SEC63: variants seen among roughly 807,000 people sequenced by gnomAD.
The protein encoded by SEC63 is translocation protein SEC63 homolog.
In SEC63, 56 loss-of-function variants were observed where a neutral mutation model predicts 116.2. The ratio of observed to expected loss-of-function variants is 0.48; its 90% CI spans 0.39 to 0.60. The LOEUF (loss-of-function observed/expected upper bound fraction) is 0.60. SEC63 is among the 20% of genes least tolerant of loss of function. The pLI is 0.00. For missense variants in SEC63, 668 were observed against 900.0 expected (o/e 0.74, Z 3.30); for synonymous variants, 273 against 294.6 (o/e 0.93, Z 0.75).
intron 2 of SEC63, among the ~76,000 whole-genome samples, chr6:107,926,355 A>G (rs1216077437): frequency 6.6e-6 from 1 of 152,198 alleles, no homozygotes; most frequent in African/African-American, 2.4e-5. Context: ...TGTTACACTG[A>G]GCAAGAACTG....
chr6:107,947,012 C>T (rs1368584514), intron 1 of SEC63, among the ~76,000 whole-genome samples: 1 of 151,692 alleles, frequency 6.6e-6, no homozygotes, highest in African/African-American at 2.4e-5. Flanking sequence ...TCAAACCAAA[C>T]ATCAACCATA....
intron 3 of SEC63, among the ~76,000 whole-genome samples, chr6:107,924,146 C>A (rs2818193): frequency 0.044 from 6,638 of 150,432 alleles, 501 homozygotes; most frequent in African/African-American, 0.15. Flanking sequence ...TGCCTGTAGT[C>A]CCAGCTACTT....
chr6:107,957,978 C>T lies in SEC63; in HGVS notation c.32G>A (p.Ser11Asn). ...GAGGAAGTAGAAGAAGGTGTTCCCA[C>T]TGTCATCGTACTGGAACTGCTGCCC... MAGQQFQYDD[S>N]GNTFFYFLTS... Residue 11 changes from serine (S) to asparagine (N), a missense_variant, in exon 1 of 21, where the codon AGT becomes AAT. Transcript: ENST00000369002. 4 of 1,613,520 alleles carry T rather than the reference C, an allele frequency of 2.5e-6. No homozygotes were observed. Among genetic ancestry groups the T allele is most frequent in the Middle Eastern group, 1.7e-4 (1 of 6,060 alleles).
intron 18 of SEC63, 132 bp from the exon 19 acceptor site, chr6:107,876,794 A>C (rs570558): frequency 1.5e-6 from 1 of 649,324 alleles, no homozygotes; most frequent in Non-Finnish European, 2.7e-6. Context: ...CAAAATAGGT[A>C]TTCAAATGAA....
chr6:107,914,744 T>C (rs1293419988), intron 4 of SEC63, among the ~76,000 whole-genome samples: 1 of 152,184 alleles, frequency 6.6e-6, no homozygotes, highest in Non-Finnish European at 1.5e-5. Flanking sequence ...GAGTTTTAGC[T>C]TGTTTCTTTC....
rs1027888971 is a variant in SEC63, at chr6:107,876,526, C to A, written c.2034+38G>T. On this transcript the variant is annotated intron_variant, in intron 19 of 20. Coordinates refer to ENST00000369002, the MANE Select transcript of SEC63 (RefSeq NM_007214.5). ...AAGCAGCATGATGGTGACAGCTGTG[C>A]CTTGTTAAACACTGAAATCATGTTG... is the stretch of plus-strand genomic sequence containing the variant. 3 of 1,197,048 alleles carry A rather than the reference C, an allele frequency of 2.5e-6. No individual in the cohort carries two copies. In the African/African-American group the frequency reaches 4.5e-5, roughly 18 times the overall value. 74.2% of individuals were successfully genotyped at this position (1,197,048 alleles called of 1,614,324 possible). A position where few individuals can be genotyped will look rare whatever the true frequency, so the allele number is the denominator to read the frequency against.
intron 4 of SEC63, among the ~76,000 whole-genome samples, chr6:107,917,915 T>C (rs1787449385): frequency 6.6e-6 from 1 of 152,216 alleles, no homozygotes; most frequent in African/African-American, 2.4e-5. Flanking sequence ...AAGATCACAA[T>C]GAAGGTGGCT....
chr6:107,898,350 G>A (rs1046791965), intron 13 of SEC63, among the ~76,000 whole-genome samples: 2 of 151,762 alleles, frequency 1.3e-5, no homozygotes, highest in Non-Finnish European at 2.9e-5. Flanking sequence ...TCAAACCCAG[G>A]TTTCTGAAAA....
intron 2 of SEC63, 21 bp downstream of exon 2, chr6:107,929,394 T>C: frequency 1.5e-6 from 2 of 1,320,022 alleles, no homozygotes; most frequent in African/African-American, 1.4e-5. Flanking sequence ...GTAGGTTTTT[T>C]TCTTGAAATC....
At chr6:107,953,451 C>A (rs1770621490) in intron 1 of SEC63, among the ~76,000 whole-genome samples, 1 of 148,168 alleles carries the variant, frequency 6.7e-6, no homozygotes, top group African/African-American at 2.5e-5. Flanking sequence ...AGGGGCACCT[C>A]TGCCCGGCCG....
At chr6:107,900,219 C>T (rs533825774) in intron 13 of SEC63, among the ~76,000 whole-genome samples, 2 of 152,002 alleles carry the variant, frequency 1.3e-5, no homozygotes, top group Admixed American at 6.5e-5. Context: ...AGGCTGGTCT[C>T]GAACTCCTGG....
chr6:107,884,245 T>G (rs911538679), intron 16 of SEC63, among the ~76,000 whole-genome samples: 2 of 81,778 alleles, frequency 2.4e-5, no homozygotes, highest in African/African-American at 7.3e-5. Flanking sequence ...AGCATGACTC[T>G]GTCTCAAAAA....
At position 107,958,051 on chromosome 6, in the gene SEC63, A is replaced by G; in HGVS notation, c.-42T>C. ...CCTCGCTCTTCTCACCGCCGCCGCCACGACCACGCTCTGCACTCCCGCTCC... is the reference window on the plus strand; with the variant it reads ...CCTCGCTCTTCTCACCGCCGCCGCCGCGACCACGCTCTGCACTCCCGCTCC... On this transcript the variant is annotated 5_prime_UTR_variant, in exon 1 of 21. Coordinates refer to ENST00000369002, the MANE Select transcript of SEC63 (RefSeq NM_007214.5). 1 of 1,600,700 alleles carries G rather than the reference A, an allele frequency of 6.2e-7. No homozygotes were observed. Among genetic ancestry groups the G allele is most frequent in the Non-Finnish European group, 8.5e-7 (1 of 1,171,394 alleles).
In SEC63 at chr6:107,868,575, C is replaced by T. The variant is rs555935885; in HGVS notation, c.*3129G>A. On this transcript the variant is annotated 3_prime_UTR_variant, in exon 21 of 21. Coordinates refer to ENST00000369002, the MANE Select transcript of SEC63 (RefSeq NM_007214.5). ...CCAGCCTGGAGGACAGAGCGAGACT[C>T]CGTCTTAAGAAGAAAAAGAGAAAGA... is the stretch of plus-strand genomic sequence containing the variant. 1 of 151,894 alleles carries T rather than the reference C, an allele frequency of 6.6e-6. No individual in the cohort carries two copies. Among genetic ancestry groups the T allele is most frequent in the African/African-American group, 2.4e-5 (1 of 41,378 alleles). The allele number at this position is 151,894 out of a possible 1,614,324, so 9.4% of individuals were successfully genotyped here. A position where few individuals can be genotyped will look rare whatever the true frequency, so the allele number is the denominator to read the frequency against.
intron 10 of SEC63, among the ~76,000 whole-genome samples, chr6:107,906,043 G>C (rs567177362): frequency 3.9e-5 from 6 of 152,174 alleles, no homozygotes; most frequent in Non-Finnish European, 8.8e-5. Context: ...CCCAATGCTG[G>C]AGGTGGGGCC....
At chr6:107,921,284 C>T (rs1361488728) in intron 4 of SEC63, among the ~76,000 whole-genome samples, 1 of 151,930 alleles carries the variant, frequency 6.6e-6, no homozygotes, top group Non-Finnish European at 1.5e-5. Flanking sequence ...ACTTATCATT[C>T]ACCACTTAAT....
chr6:107,927,438 A>AT (rs1173380386), intron 2 of SEC63, among the ~76,000 whole-genome samples: 1 of 152,216 alleles, frequency 6.6e-6, no homozygotes, highest in African/African-American at 2.4e-5. Flanking sequence ...GAAAAGAAGC[A>AT]TTACCCAATT....
Position 107,958,154 on chromosome 6 carries a change from G to C in SEC63, c.-145C>G. On this transcript the variant is annotated 5_prime_UTR_variant, in exon 1 of 21. Coordinates refer to ENST00000369002, the MANE Select transcript of SEC63 (RefSeq NM_007214.5). Reference sequence around the variant, plus strand: ...TCCCCGCCCCCACGCCACTCTCACGGACACGCCGCCGCCACCTCTGCCGCT... The same window carrying C: ...TCCCCGCCCCCACGCCACTCTCACGCACACGCCGCCGCCACCTCTGCCGCT... 2 of 1,296,306 alleles carry C rather than the reference G, an allele frequency of 1.5e-6. No individual in the cohort carries two copies. Among genetic ancestry groups the C allele is most frequent in the Admixed American group, 1.9e-5 (1 of 52,712 alleles). The allele number at this position is 1,296,306 out of a possible 1,614,324, so 80.3% of individuals were successfully genotyped here. A position where few individuals can be genotyped will look rare whatever the true frequency, so the allele number is the denominator to read the frequency against.
intron 19 of SEC63, among the ~76,000 whole-genome samples, chr6:107,874,570 T>A (rs1786212971): frequency 8.0e-6 from 1 of 125,748 alleles, no homozygotes; most frequent in African/African-American, 3.2e-5. Context: ...CACTCCAGCC[T>A]GGGCGACACA....
Sources: allele counts gnomAD v4.1 joint callset (sites outside exome capture counted in the v4.1 genomes callset), GRCh38; gene constraint gnomAD v4.1.1; transcripts MANE v1.5; gene names NCBI Gene and HGNC (gene_info 2026-07-23, HGNC 2026-07-21).